The following ECHDC2 variants were observed in gnomAD, a reference collection of about 807,000 sequenced individuals.
ECHDC2 encodes enoyl-CoA hydratase domain containing 2.
A neutral mutation model predicts 40.6 loss-of-function variants in ECHDC2; 34 were observed. The ratio of observed to expected loss-of-function variants is 0.84; its 90% CI spans 0.64 to 1.11. ECHDC2 has a LOEUF of 1.11. ECHDC2 is among the 50% of genes most tolerant of loss of function. The probability of loss-of-function intolerance (pLI) is 0.00; values close to 1 mark genes in which losing one functional copy is unlikely to be tolerated. For synonymous variants in ECHDC2, 162 were observed against 166.6 expected, an observed-to-expected ratio of 0.97 and a Z score of 0.21; for missense variants, 392 against 400.7, an observed-to-expected ratio of 0.98 and a Z score of 0.19.
intron 7 of ECHDC2, among the ~76,000 whole-genome samples, chr1:52,903,937 C>T (rs1452771236): frequency 6.6e-6 from 1 of 151,898 alleles, no homozygotes; most frequent in South Asian, 2.1e-4. Flanking sequence ...CCTGCCTCAG[C>T]CTCCTGAGTA....
At chr1:52,896,938 C>G (rs1337162403) in intron 9 of ECHDC2, 3 of 314,246 alleles carry the variant, frequency 9.5e-6, no homozygotes, top group Admixed American at 8.6e-5. Context: ...GCTTTGAATC[C>G]AGGTTCACAC....
rs1028732876 is a variant in ECHDC2 at position 52,896,023 on chromosome 1, C to T, written c.*497G>A. 1.1e-4 allele frequency: 17 copies of T among 154,982 alleles called. No individual in the cohort carries two copies. The highest frequency in any genetic ancestry group is 8.1e-4 in the Admixed American group (13 of 15,990). 9.6% of individuals were successfully genotyped at this position (154,982 alleles called of 1,614,324 possible). On this transcript the variant is annotated 3_prime_UTR_variant, in exon 10 of 10. Coordinates refer to ENST00000371522, the MANE Select transcript of ECHDC2 (RefSeq NM_001198961.2). Reference sequence around the variant, plus strand: ...GCCCAGAGCATTTAAACAATTTGTCCACGGTTATACAGCAAGTAACTGGCA... The same window carrying T: ...GCCCAGAGCATTTAAACAATTTGTCTACGGTTATACAGCAAGTAACTGGCA...
At position 52,896,057 on chromosome 1, in the gene ECHDC2, G is replaced by A. The variant is rs577354666; in HGVS notation, c.*463C>T. 16 of 163,108 alleles carry A rather than the reference G, an allele frequency of 9.8e-5. No individual in the cohort carries two copies. Among genetic ancestry groups the A allele is most frequent in the African/African-American group, 3.3e-4 (14 of 41,846 alleles). The allele number at this position is 163,108 out of a possible 1,614,324, so 10.1% of individuals were successfully genotyped here. On this transcript the variant is annotated 3_prime_UTR_variant, in exon 10 of 10. Transcript: ENST00000371522. ...ACAGCAAGTAACTGGCAGAGACTGG[G>A]ATCTGCAGTCTGACCCCTGACACAT...
At chr1:52,897,710 C>T in intron 8 of ECHDC2, 1 of 600,220 alleles carries the variant, frequency 1.7e-6, no homozygotes, top group South Asian at 1.9e-5. Flanking sequence ...TCCTTCCCAT[C>T]CGGCTGCCTC....
chr1:52,908,015 C>T lies in ECHDC2; in HGVS notation c.278-61G>A, dbSNP rs185706244. The T allele has an allele frequency of 1.5e-4, 224 of 1,514,942 alleles. No individual in the cohort carries two copies. The African/African-American group carries it at 2.1e-3, about 14-fold the overall frequency. 93.8% of individuals were successfully genotyped at this position (1,514,942 alleles called of 1,614,324 possible). ...AAATGGCACTTTACGGAATCCCAGGCGGTTAAAGGATCCAGCAAAGAAGAC... is the reference window on the plus strand; with the variant it reads ...AAATGGCACTTTACGGAATCCCAGGTGGTTAAAGGATCCAGCAAAGAAGAC... On this transcript the variant is annotated intron_variant, in intron 3 of 9. Transcript: ENST00000371522.
intron 1 of ECHDC2, chr1:52,912,367 C>T (rs6660715): frequency 0.043 from 6,651 of 152,966 alleles, 516 homozygotes; most frequent in African/African-American, 0.15. Flanking sequence ...GCCATTACAC[C>T]TGGCTAATTT....
chr1:52,917,401 G>C (rs1326652557), intron 1 of ECHDC2: 1 of 360,998 alleles, frequency 2.8e-6, no homozygotes, highest in Admixed American at 3.5e-5. Context: ...AGAGAGACAA[G>C]TTCAGACACA....
intron 1 of ECHDC2, among the ~76,000 whole-genome samples, chr1:52,919,067 C>G (rs573307836): frequency 1.3e-5 from 2 of 152,112 alleles, no homozygotes; most frequent in African/African-American, 2.4e-5. Context: ...TAGGTTGTTG[C>G]GAGCTCCTTA....
In ECHDC2 at chr1:52,896,448, T is replaced by C. The variant is rs2150029558; in HGVS notation, c.*72A>G. On this transcript the variant is annotated 3_prime_UTR_variant, in exon 10 of 10. Transcript: ENST00000371522. ...GAGAGGTGAAATGATGAAGGCAATC[T>C]GGCCACAAATCTTCCTTCTGGATCC... 2 of 1,214,374 alleles carry C rather than the reference T, an allele frequency of 1.6e-6. No individual in the cohort carries two copies. The highest frequency in any genetic ancestry group is 2.3e-5 in the East Asian group (1 of 42,968). 75.2% of individuals were successfully genotyped at this position (1,214,374 alleles called of 1,614,324 possible).
In ECHDC2 at chr1:52,897,442, C is replaced by T; in HGVS notation, c.796G>A (p.Ala266Thr). The T allele has an allele frequency of 1.2e-6, 2 of 1,614,182 alleles. No homozygotes were observed. Among genetic ancestry groups the T allele is most frequent in the Non-Finnish European group, 8.5e-7 (1 of 1,180,026 alleles). Residue 266 changes from alanine (A) to threonine (T), a missense_variant, in exon 9 of 10, where the codon GCC becomes ACC. Ala to Thr is a moderately conservative substitution (Grantham distance 58, BLOSUM62 0). Coordinates refer to ENST00000371522, the MANE Select transcript of ECHDC2 (RefSeq NM_001198961.2). ...SGMAIEGMCY[A>T]QNIPTRDRLE... is the part of the protein sequence containing the mutation. ...ATGGGCTGGTTGCTACATACCTGGGCATAGCACATCCCTTCAATGGCCATC... is the reference window on the plus strand; with the variant it reads ...ATGGGCTGGTTGCTACATACCTGGGTATAGCACATCCCTTCAATGGCCATC...
At chr1:52,904,905 C>T in intron 6 of ECHDC2, 72 bp from the exon 7 acceptor site, 2 of 1,596,634 alleles carry the variant, frequency 1.3e-6, no homozygotes, top group South Asian at 2.2e-5. Flanking sequence ...CAGCCTGGGA[C>T]TCAGCCAAGA....
At chr1:52,910,567 C>T (rs563543686) in intron 3 of ECHDC2, among the ~76,000 whole-genome samples, 1 of 151,878 alleles carries the variant, frequency 6.6e-6, no homozygotes, top group East Asian at 1.9e-4. Flanking sequence ...CGCGGTTTCA[C>T]CATATTGGTC....
intron 8 of ECHDC2, 85 bp from the exon 9 acceptor site, chr1:52,897,569 G>C: frequency 1.5e-6 from 2 of 1,292,038 alleles, no homozygotes; most frequent in Non-Finnish European, 2.3e-6. Context: ...ATTGCCTACA[G>C]ACATCTATAT....
chr1:52,901,002 T>A (rs1473956777), intron 7 of ECHDC2: 1 of 151,422 alleles, frequency 6.6e-6, no homozygotes, highest in Non-Finnish European at 1.5e-5. Context: ...CTACAAAAAA[T>A]AAAAAATTAG....
rs78692102 is a variant in ECHDC2 at position 52,911,988 on chromosome 1, T to C, written c.122-198A>G. 3,003 of 1,429,306 alleles carry C rather than the reference T, an allele frequency of 2.1e-3. 7 individuals are homozygous for C. Among genetic ancestry groups the C allele is most frequent in the Non-Finnish European group, 2.6e-3 (2,891 of 1,095,284 alleles). The allele number at this position is 1,429,306 out of a possible 1,614,324, so 88.5% of individuals were successfully genotyped here. On this transcript the variant is annotated intron_variant, in intron 1 of 9. Coordinates refer to ENST00000371522, the MANE Select transcript of ECHDC2 (RefSeq NM_001198961.2). ...AATGGAGAGAAAAACCCTTGCTCTT[T>C]CTGCCTCAGAGAGAAAGTGGAAGGA...
chr1:52,898,827 C>G (rs1646803513), intron 8 of ECHDC2: 1 of 393,064 alleles, frequency 2.5e-6, no homozygotes, highest in African/African-American at 2.1e-5. Context: ...TGCCCTGAGG[C>G]CACATTACTG....
chr1:52,915,657 A>G (rs1557516573), intron 1 of ECHDC2, among the ~76,000 whole-genome samples: 1 of 152,272 alleles, frequency 6.6e-6, no homozygotes, highest in East Asian at 1.9e-4. Context: ...TGACCCCCAC[A>G]AACTTCAGAG....
chr1:52,911,856 G>A (rs1263809021), intron 1 of ECHDC2, 66 bp from the exon 2 acceptor site: 2 of 1,589,176 alleles, frequency 1.3e-6, no homozygotes, highest in African/African-American at 1.3e-5. Flanking sequence ...TGCGGGCTGG[G>A]GACTGGAGGC....
Position 52,921,732 on chromosome 1 carries a change from T to A in ECHDC2, c.-59A>T. 1 of 1,425,308 alleles carries A rather than the reference T, an allele frequency of 7.0e-7. No individual in the cohort carries two copies. The highest frequency in any genetic ancestry group is 9.2e-7 in the Non-Finnish European group (1 of 1,092,726). The allele number at this position is 1,425,308 out of a possible 1,614,324, so 88.3% of individuals were successfully genotyped here. On this transcript the variant is annotated 5_prime_UTR_variant, in exon 1 of 10. Transcript: ENST00000371522. ...GGCCCTGCACCGTCTCGGCTCCCGC[T>A]GAGAGCTCGCAGTTCCGGCGTCGGG...
Sources: gnomAD v4.1 joint callset for allele counts (sites outside exome capture counted in the v4.1 genomes callset) on GRCh38, gnomAD v4.1.1 for gene constraint, MANE v1.5 for transcripts, NCBI Gene and HGNC (gene_info 2026-07-23, HGNC 2026-07-21) for gene names.